Variants in CEP112 observed in about 807,000 individuals in gnomAD.
CEP112 encodes centrosomal protein of 112 kDa.
Under a neutral mutation model 153.0 loss-of-function variants are expected in CEP112, and 127 were observed. The observed-to-expected ratio is 0.83, with a 90% CI of 0.72 to 0.96. The LOEUF is 0.96. Ranked by LOEUF, CEP112 falls within the 40% of genes least tolerant of loss-of-function variation. The pLI is 0.00. For missense variants in CEP112, 1,089 were observed against 1,101.2 expected, an observed-to-expected ratio of 0.99 and a Z score of 0.16; for synonymous variants, 358 against 374.4, an observed-to-expected ratio of 0.96 and a Z score of 0.51.
chr17:65,913,206 A>G (rs1161497504), intron 19 of CEP112, among the ~76,000 whole-genome samples: 3 of 152,228 alleles, frequency 2.0e-5, no homozygotes, highest in African/African-American at 7.2e-5. Context: ...CAGAAATTTT[A>G]CGCTAATGGG....
chr17:66,038,922 G>T (rs996228320), intron 12 of CEP112, among the ~76,000 whole-genome samples: 7 of 152,156 alleles, frequency 4.6e-5, no homozygotes, highest in African/African-American at 1.4e-4. Context: ...CAGGTTACTG[G>T]AAGAGTCAGG....
Position 66,173,447 on chromosome 17 carries a change from C to T in CEP112, c.470+1597G>A, listed in dbSNP as rs148846256. ...GTCCAACCAAGCAAATCTACCCACACGATTCATTCAGTCCAGGAAGATCAC... is the reference window on the plus strand; with the variant it reads ...GTCCAACCAAGCAAATCTACCCACATGATTCATTCAGTCCAGGAAGATCAC... On this transcript the variant is annotated intron_variant, in intron 4 of 26. Transcript: ENST00000535342. Among the ~76,000 whole-genome samples, 33 of 152,298 alleles carry T rather than the reference C, an allele frequency of 2.2e-4. No individual in the cohort carries two copies. The East Asian group carries it at 4.4e-3, about 20-fold the overall frequency.
At chr17:66,081,675 G>A (rs185546695) in intron 8 of CEP112, among the ~76,000 whole-genome samples, 64 of 150,882 alleles carry the variant, frequency 4.2e-4, no homozygotes, top group African/African-American at 1.5e-3. Context: ...CCAGCACTCC[G>A]GGAGGCCGAG....
chr17:66,139,779 C>T (rs1466332133), intron 4 of CEP112, among the ~76,000 whole-genome samples: 2 of 152,040 alleles, frequency 1.3e-5, no homozygotes, highest in Non-Finnish European at 2.9e-5. Flanking sequence ...AGTAAGGAAA[C>T]TGAATCAGTA....
chr17:65,897,556 A>C (rs1274657482), intron 20 of CEP112, among the ~76,000 whole-genome samples: 3 of 152,092 alleles, frequency 2.0e-5, no homozygotes, highest in Non-Finnish European at 4.4e-5. Context: ...CTACTTCCTA[A>C]AGACACTTTG....
At chr17:66,075,311 G>A (rs1343827340) in intron 8 of CEP112, among the ~76,000 whole-genome samples, 1 of 152,038 alleles carries the variant, frequency 6.6e-6, no homozygotes, top group Non-Finnish European at 1.5e-5. Context: ...TTTATGAGGT[G>A]GAAATTAGAA....
At chr17:65,970,634 AC>A (rs2062698613) in intron 17 of CEP112, among the ~76,000 whole-genome samples, 1 of 152,096 alleles carries the variant, frequency 6.6e-6, no homozygotes, top group African/African-American at 2.4e-5. Flanking sequence ...GAAGCATATT[AC>A]ATGCATGCAC....
chr17:65,967,028 G>A (rs1192132659), intron 17 of CEP112, among the ~76,000 whole-genome samples: 3 of 152,182 alleles, frequency 2.0e-5, no homozygotes. Flanking sequence ...AAACTATGAT[G>A]ATCCAAAACA....
chr17:65,780,922 A>AT (rs1020808354), intron 21 of CEP112, among the ~76,000 whole-genome samples: 1 of 152,086 alleles, frequency 6.6e-6, no homozygotes, highest in African/African-American at 2.4e-5. Context: ...TGTTTTTAAA[A>AT]TTTTTTACTT....
intron 19 of CEP112, among the ~76,000 whole-genome samples, chr17:65,922,983 G>A (rs925962161): frequency 6.6e-6 from 1 of 151,924 alleles, no homozygotes; most frequent in African/African-American, 2.4e-5. Flanking sequence ...CAGTTTCCAA[G>A]CAACTTCCCC....
At chr17:65,941,840 G>A (rs1357947917) in intron 18 of CEP112, among the ~76,000 whole-genome samples, 2 of 151,596 alleles carry the variant, frequency 1.3e-5, no homozygotes, top group Admixed American at 6.6e-5. Context: ...CTGGAGTACA[G>A]TGGCACAATC....
intron 1 of CEP112, among the ~76,000 whole-genome samples, chr17:66,190,093 G>A (rs1019432843): frequency 1.4e-4 from 22 of 151,984 alleles, no homozygotes; most frequent in Admixed American, 1.4e-3. Flanking sequence ...ACTTTGGGAG[G>A]CCGAGGCGGG....
At chr17:65,901,813 G>C (rs2059859923) in intron 20 of CEP112, among the ~76,000 whole-genome samples, 2 of 151,780 alleles carry the variant, frequency 1.3e-5, no homozygotes, top group Non-Finnish European at 1.5e-5. Flanking sequence ...ATATTTCATA[G>C]GGATTTGCTA....
intron 16 of CEP112, among the ~76,000 whole-genome samples, chr17:66,009,232 T>TGTGTGTGTGTGTG: frequency 7.3e-6 from 1 of 137,274 alleles, no homozygotes; most frequent in African/African-American, 2.7e-5. Context: ...TGTGTGTGTG[T>TGTGTGTGTGTGTG]TAGCAAAAGC....
intron 20 of CEP112, among the ~76,000 whole-genome samples, chr17:65,889,420 A>C (rs114015909): frequency 5.0e-4 from 76 of 152,296 alleles, no homozygotes; most frequent in African/African-American, 1.8e-3. Context: ...TGCCCATTCC[A>C]AATTCTCACA....
chr17:66,090,871 T>A (rs1483305529), intron 8 of CEP112, among the ~76,000 whole-genome samples: 1 of 151,836 alleles, frequency 6.6e-6, no homozygotes, highest in East Asian at 1.9e-4. Context: ...CAAACGGAAA[T>A]GGAAAGAGCG....
At chr17:65,949,938 A>G (rs1789146104) in intron 18 of CEP112, among the ~76,000 whole-genome samples, 2 of 152,224 alleles carry the variant, frequency 1.3e-5, no homozygotes, top group Middle Eastern at 3.4e-3. Context: ...CATTCTCTCC[A>G]ATTTTTGGAC....
At chr17:65,667,834 C>T (rs760454127) in intron 24 of CEP112, among the ~76,000 whole-genome samples, 9 of 151,666 alleles carry the variant, frequency 5.9e-5, no homozygotes, top group South Asian at 2.1e-4. Context: ...CTAGCAGTGA[C>T]GTCTGACCTG....
chr17:66,123,599 G>A (rs1279010673), intron 6 of CEP112, among the ~76,000 whole-genome samples: 1 of 152,136 alleles, frequency 6.6e-6, no homozygotes, highest in East Asian at 1.9e-4. Flanking sequence ...GTTTTGCTAG[G>A]GAGCACATCT....
Sources: gnomAD v4.1 joint callset for allele counts (sites outside exome capture counted in the v4.1 genomes callset) on GRCh38, gnomAD v4.1.1 for gene constraint, MANE v1.5 for transcripts, NCBI Gene and HGNC (gene_info 2026-07-23, HGNC 2026-07-21) for gene names.